Variants in GGTA1 observed in about 807,000 individuals in gnomAD.
The protein encoded by GGTA1 is inactive N-acetyllactosaminide alpha-1,3-galactosyltransferase.
A neutral mutation model predicts 2.6 loss-of-function variants in GGTA1; 5 were observed. The observed-to-expected ratio is 1.92, with a 90% CI of 1.00 to 4.04. The LOEUF is 4.04. GGTA1 is among the 30% of genes most tolerant of loss of function. The pLI, the probability that GGTA1 is intolerant of heterozygous loss-of-function variation, is 0.00. For missense variants in GGTA1, 50 were observed against 16.7 expected (o/e 2.99, Z -3.47); for synonymous variants, 17 against 5.0 (o/e 3.38, Z -3.19).
intron 1 of GGTA1, among the ~76,000 whole-genome samples, chr9:121,487,818 C>T (rs1033442410): frequency 1.3e-5 from 2 of 151,498 alleles, no homozygotes; most frequent in Admixed American, 6.6e-5. Context: ...TGGGTTAAAG[C>T]GATTCTCCTG....
At chr9:121,473,794 G>A (rs996555533) in intron 1 of GGTA1, among the ~76,000 whole-genome samples, 2 of 152,102 alleles carry the variant, frequency 1.3e-5, no homozygotes, top group African/African-American at 2.4e-5. Context: ...GTGCATACCT[G>A]TAGTCCCAGC....
intron 1 of GGTA1, among the ~76,000 whole-genome samples, chr9:121,484,250 C>A (rs1247200417): frequency 6.6e-6 from 1 of 151,972 alleles, no homozygotes; most frequent in Non-Finnish European, 1.5e-5. Context: ...TATTTTATGA[C>A]AATTAAAAAA....
intron 7 of GGTA1, among the ~76,000 whole-genome samples, chr9:121,449,108 T>A (rs1361821863): frequency 6.6e-6 from 1 of 152,232 alleles, no homozygotes; most frequent in Non-Finnish European, 1.5e-5. Context: ...GTAACATATC[T>A]TTTCATGACT....
intron 1 of GGTA1, among the ~76,000 whole-genome samples, chr9:121,495,171 T>C (rs975134610): frequency 6.6e-6 from 1 of 151,606 alleles, no homozygotes; most frequent in African/African-American, 2.4e-5. Context: ...CTGCCCACCT[T>C]GGCCTCCCCA....
chr9:121,456,732 T>C (rs545504808), intron 5 of GGTA1, among the ~76,000 whole-genome samples: 65 of 152,134 alleles, frequency 4.3e-4, no homozygotes, highest in Non-Finnish European at 5.0e-4. Context: ...ATTAAAATTC[T>C]ATGAATCATG....
intron 1 of GGTA1, among the ~76,000 whole-genome samples, chr9:121,491,679 A>G (rs889919738): frequency 6.6e-6 from 1 of 151,494 alleles, no homozygotes; most frequent in African/African-American, 2.4e-5. Context: ...GTGCCATCTC[A>G]GCTCACTGCA....
At chr9:121,495,384 A>G (rs2118781007) in intron 1 of GGTA1, among the ~76,000 whole-genome samples, 1 of 152,192 alleles carries the variant, frequency 6.6e-6, no homozygotes, top group South Asian at 2.1e-4. Flanking sequence ...CATCTCTACT[A>G]AAAATACAAA....
chr9:121,472,729 G>C (rs979532327), intron 1 of GGTA1, among the ~76,000 whole-genome samples: 17 of 152,176 alleles, frequency 1.1e-4, no homozygotes, highest in African/African-American at 3.6e-4. Context: ...CAACAGAGAG[G>C]CTGGCTGTGT....
At position 121,467,953 on chromosome 9, in the gene GGTA1, GA is replaced by G. The variant is rs1330896299; in HGVS notation, c.-9-23del. 9.0e-6 allele frequency: 4 copies of G among 446,786 alleles called. 1 individual carries two copies. The highest frequency in any genetic ancestry group is 3.2e-5 in the South Asian group (2 of 62,530). The allele number at this position is 446,786 out of a possible 1,614,324, so 27.7% of individuals were successfully genotyped here. ...TCTCCTAGGAAAAAAGAAGAGGGGA[GA>G]AAAAAAGAGAACAGATTAAATCAAT... On this transcript the variant is annotated intron_variant, in intron 1 of 5. Transcript: ENST00000481799.
intron 1 of GGTA1, among the ~76,000 whole-genome samples, chr9:121,470,505 A>G (rs1004967726): frequency 1.3e-5 from 2 of 152,246 alleles, no homozygotes; most frequent in African/African-American, 4.8e-5. Flanking sequence ...CAACAGAGAT[A>G]TGGGCTAGAC....
intron 2 of GGTA1, 26 bp from the exon 3 acceptor site, chr9:121,463,354 A>G (rs1438490742): frequency 1.1e-5 from 5 of 453,114 alleles, no homozygotes; most frequent in Admixed American, 2.4e-5. Context: ...AAATAAAAAC[A>G]TATCATGTTA....
intron 1 of GGTA1, among the ~76,000 whole-genome samples, chr9:121,482,531 G>T (rs1422249249): frequency 6.6e-6 from 1 of 152,174 alleles, no homozygotes; most frequent in East Asian, 1.9e-4. Context: ...CACTTTGAGA[G>T]GCTGAGGCGG....
chr9:121,474,896 T>A (rs941314408), intron 1 of GGTA1, among the ~76,000 whole-genome samples: 1 of 150,282 alleles, frequency 6.7e-6, no homozygotes, highest in Non-Finnish European at 1.5e-5. Flanking sequence ...AGCCCACCCG[T>A]CCTCCGCTTG....
chr9:121,456,960 C>T lies in GGTA1; in HGVS notation c.299-1119G>A, dbSNP rs144598812. ...GTGCTGGAATTACAGGCATGAGCCACTGCGTCCAACACAACTCATTATTGA... is the reference window on the plus strand; with the variant it reads ...GTGCTGGAATTACAGGCATGAGCCATTGCGTCCAACACAACTCATTATTGA... On this transcript the variant is annotated intron_variant, in intron 5 of 5. Transcript: ENST00000481799. Among the ~76,000 whole-genome samples the T allele has an allele frequency of 4.4e-4, 67 of 152,326 alleles. No individual in the cohort carries two copies. The South Asian group carries it at 5.2e-3, about 12-fold the overall frequency.
At chr9:121,456,348 G>A (rs1308847146) in intron 5 of GGTA1, among the ~76,000 whole-genome samples, 1 of 152,108 alleles carries the variant, frequency 6.6e-6, no homozygotes, top group Non-Finnish European at 1.5e-5. Context: ...TAGGTTATTG[G>A]CAGCTTTTAA....
chr9:121,473,940 GGAGAGA>G (rs761577056), intron 1 of GGTA1, among the ~76,000 whole-genome samples: 2 of 122,384 alleles, frequency 1.6e-5, no homozygotes, highest in Non-Finnish European at 3.3e-5. Flanking sequence ...AAAGAGAGAA[GGAGAGA>G]GAGAGAGAGA....
chr9:121,453,599 G>A (rs370636845), downstream of GGTA1, among the ~76,000 whole-genome samples: 4 of 152,316 alleles, frequency 2.6e-5, no homozygotes, highest in South Asian at 6.2e-4. Context: ...GCATTTGCTT[G>A]TACTTTACTG....
chr9:121,467,352 TCTCA>T (rs1160549687), intron 2 of GGTA1, among the ~76,000 whole-genome samples: 5 of 152,162 alleles, frequency 3.3e-5, no homozygotes, highest in Non-Finnish European at 7.4e-5. Context: ...TCTCTCTCTC[TCTCA>T]AAGATTTTAG....
intron 3 of GGTA1, among the ~76,000 whole-genome samples, chr9:121,461,585 T>C (rs562078647): frequency 3.3e-5 from 5 of 151,262 alleles, no homozygotes; most frequent in African/African-American, 1.2e-4. Flanking sequence ...GGGGCTGGAG[T>C]GGGGGTGGTA....
Sources: allele counts gnomAD v4.1 joint callset (sites outside exome capture counted in the v4.1 genomes callset), GRCh38; gene constraint gnomAD v4.1.1; transcripts MANE v1.5; gene names NCBI Gene and HGNC (gene_info 2026-07-23, HGNC 2026-07-21).